Variants in ABCC9 observed in about 807,000 individuals in gnomAD.
The protein encoded by ABCC9 is ATP binding cassette subfamily C member 9, also known as ATP-binding cassette sub-family C member 9.
In ABCC9, 95 loss-of-function variants were observed where a neutral mutation model predicts 188.3. That is an observed-to-expected ratio of 0.50 (90% CI 0.43 to 0.60). ABCC9 has a LOEUF of 0.60. Among genes scored for constraint, ABCC9 ranks in the 20% least tolerant of loss-of-function variants. ABCC9 has a pLI of 0.00. For missense variants in ABCC9, 1,102 were observed against 1,876.3 expected (o/e 0.59, Z 7.62); for synonymous variants, 659 against 652.7 (o/e 1.01, Z -0.15).
At chr12:21,802,599 T>A (rs1263133485) in intron 39 of ABCC9, among the ~76,000 whole-genome samples, 2 of 152,226 alleles carry the variant, frequency 1.3e-5, no homozygotes, top group Non-Finnish European at 2.9e-5. Flanking sequence ...ATTTTACACT[T>A]ATGGCACTTC....
At chr12:21,809,181 TTAAAGA>T (rs1220988138) in intron 37 of ABCC9, among the ~76,000 whole-genome samples, 1 of 152,054 alleles carries the variant, frequency 6.6e-6, no homozygotes, top group African/African-American at 2.4e-5. Flanking sequence ...TTTTAATGAG[TTAAAGA>T]TAGTATGAAC....
intron 12 of ABCC9, among the ~76,000 whole-genome samples, chr12:21,905,501 C>T (rs1265117202): frequency 6.6e-6 from 1 of 151,878 alleles, no homozygotes; most frequent in Non-Finnish European, 1.5e-5. Flanking sequence ...AACACCACTA[C>T]TAAAAACAGA....
At chr12:21,817,083 T>C in intron 33 of ABCC9, 104 bp downstream of exon 33, 2 of 1,282,552 alleles carry the variant, frequency 1.6e-6, no homozygotes, top group South Asian at 1.2e-5. Context: ...GTTTTCTGGA[T>C]ACTGAAGTGG....
intron 25 of ABCC9, among the ~76,000 whole-genome samples, chr12:21,847,588 A>G (rs1366338073): frequency 6.6e-6 from 1 of 152,176 alleles, no homozygotes; most frequent in Non-Finnish European, 1.5e-5. Flanking sequence ...TGAATGTCAA[A>G]GCAGTGTAAT....
chr12:21,810,846 A>AC (rs1942185172), intron 36 of ABCC9, among the ~76,000 whole-genome samples: 1 of 152,210 alleles, frequency 6.6e-6, no homozygotes, highest in Admixed American at 6.5e-5. Context: ...ACAACTAAAT[A>AC]CTAGGCAATC....
chr12:21,919,213 G>A (rs1948713862), intron 5 of ABCC9, among the ~76,000 whole-genome samples: 1 of 151,736 alleles, frequency 6.6e-6, no homozygotes, highest in Admixed American at 6.6e-5. Flanking sequence ...ATAGAAAAAT[G>A]AACAATTGAT....
chr12:21,834,792 C>T (rs867215698), intron 30 of ABCC9, among the ~76,000 whole-genome samples: 19,843 of 125,036 alleles, frequency 0.16, 1,491 homozygotes, highest in Non-Finnish European at 0.2. Context: ...ATTATACACA[C>T]ACACACACAC....
intron 36 of ABCC9, among the ~76,000 whole-genome samples, chr12:21,810,267 A>G (rs1250688556): frequency 2.0e-5 from 3 of 152,206 alleles, no homozygotes; most frequent in East Asian, 3.9e-4. Flanking sequence ...CCCAAATAGT[A>G]TCTAGCAAAA....
intron 31 of ABCC9, chr12:21,827,090 G>A: frequency 1.1e-5 from 11 of 983,364 alleles, no homozygotes; most frequent in Non-Finnish European, 1.3e-5. Flanking sequence ...ATTTAGACAG[G>A]TTCAACTGCT....
At chr12:21,893,202 A>G (rs1947254115) in intron 14 of ABCC9, among the ~76,000 whole-genome samples, 1 of 147,766 alleles carries the variant, frequency 6.8e-6, no homozygotes, top group African/African-American at 2.5e-5. Flanking sequence ...CTTATATCAC[A>G]TCTATTTTTA....
chr12:21,841,201 A>G (rs1443678462), intron 29 of ABCC9, among the ~76,000 whole-genome samples: 5 of 152,170 alleles, frequency 3.3e-5, no homozygotes, highest in Non-Finnish European at 7.3e-5. Context: ...TTCAAAGTTA[A>G]ACTGGAAATT....
intron 19 of ABCC9, 77 bp from the exon 20 acceptor site, chr12:21,863,131 A>AG: frequency 1.0e-6 from 1 of 959,752 alleles, no homozygotes; most frequent in South Asian, 1.5e-5. Context: ...TACTATAAAT[A>AG]GGGGAAATAA....
At chr12:21,912,311 A>T (rs1454877080) in intron 8 of ABCC9, among the ~76,000 whole-genome samples, 2 of 151,994 alleles carry the variant, frequency 1.3e-5, no homozygotes, top group Non-Finnish European at 2.9e-5. Flanking sequence ...AGAAAATAAA[A>T]ATTATATATT....
At chr12:21,940,380 A>T (rs572723716) in intron 2 of ABCC9, among the ~76,000 whole-genome samples, 43 of 152,368 alleles carry the variant, frequency 2.8e-4, no homozygotes, top group African/African-American at 9.9e-4. Context: ...TTCAGGATGG[A>T]TGTCACTTGC....
intron 16 of ABCC9, among the ~76,000 whole-genome samples, chr12:21,879,340 T>C (rs149479456): frequency 1.3e-5 from 2 of 152,156 alleles, no homozygotes; most frequent in Admixed American, 1.3e-4. Context: ...TGAATTAAAA[T>C]TTAAAAGCAG....
intron 14 of ABCC9, among the ~76,000 whole-genome samples, chr12:21,893,595 A>G (rs936043067): frequency 6.6e-6 from 1 of 152,172 alleles, no homozygotes; most frequent in Admixed American, 6.5e-5. Context: ...TAGAAATCCA[A>G]CCTGAGAAAA....
chr12:21,834,834 A>C (rs1943987628), intron 30 of ABCC9, among the ~76,000 whole-genome samples: 1 of 138,918 alleles, frequency 7.2e-6, no homozygotes. Context: ...CACAGTGCGC[A>C]CATGAGGAGG....
At chr12:21,927,212 A>G (rs566766592) in intron 4 of ABCC9, among the ~76,000 whole-genome samples, 166 of 152,380 alleles carry the variant, frequency 1.1e-3, no homozygotes, top group African/African-American at 3.6e-3. Flanking sequence ...AGAATGTATC[A>G]TGGAAGGCTT....
chr12:21,845,469 T>A (rs370363105), intron 26 of ABCC9, 134 bp downstream of exon 26: 12 of 704,224 alleles, frequency 1.7e-5, no homozygotes, highest in Middle Eastern at 2.6e-4. Context: ...GGTCCTGTTG[T>A]AATTATTAAC....
Sources: gnomAD v4.1 joint callset for allele counts (sites outside exome capture counted in the v4.1 genomes callset) on GRCh38, gnomAD v4.1.1 for gene constraint, MANE v1.5 for transcripts, NCBI Gene and HGNC (gene_info 2026-07-23, HGNC 2026-07-21) for gene names.